The following OR51B5 variants were observed in gnomAD, a reference collection of about 807,000 sequenced individuals.
The protein encoded by OR51B5 is olfactory receptor family 51 subfamily B member 5, also known as olfactory receptor 51B5.
For synonymous variants in OR51B5, 186 were observed against 144.8 expected (o/e 1.28, Z -2.04); for missense variants, 456 against 374.6 (o/e 1.22, Z -1.79).
chr11:5,341,588 CA>C (rs555054643), downstream of OR51B5, among the ~76,000 whole-genome samples: 1 of 152,128 alleles, frequency 6.6e-6, no homozygotes, highest in South Asian at 2.1e-4. Context: ...CCTAACTCAT[CA>C]GACAATTTTA....
intron 1 of OR51B5, among the ~76,000 whole-genome samples, chr11:5,368,210 T>C (rs1212048706): frequency 6.6e-6 from 1 of 152,222 alleles, no homozygotes; most frequent in African/African-American, 2.4e-5. Context: ...AAACCTATTG[T>C]TTCATGCTTC....
At chr11:5,503,096 C>A (rs1421713133) in intron 1 of OR51B5, among the ~76,000 whole-genome samples, 2 of 152,116 alleles carry the variant, frequency 1.3e-5, no homozygotes, top group East Asian at 3.8e-4. Flanking sequence ...GTACAAACAT[C>A]ATAGTATTGG....
intron 1 of OR51B5, among the ~76,000 whole-genome samples, chr11:5,370,406 T>C (rs981290982): frequency 6.6e-6 from 1 of 152,182 alleles, no homozygotes; most frequent in Non-Finnish European, 1.5e-5. Context: ...GTCAGAGCAA[T>C]TTACAGGGAA....
chr11:5,466,095 C>T (rs1287186412), intron 1 of OR51B5, among the ~76,000 whole-genome samples: 1 of 152,150 alleles, frequency 6.6e-6, no homozygotes, highest in Non-Finnish European at 1.5e-5. Flanking sequence ...CTACAATGAA[C>T]TCAAACAAAT....
chr11:5,498,446 C>T (rs1851680877), intron 1 of OR51B5, among the ~76,000 whole-genome samples: 1 of 152,106 alleles, frequency 6.6e-6, no homozygotes, highest in African/African-American at 2.4e-5. Flanking sequence ...GATGCCCTGG[C>T]CAACAAATGG....
chr11:5,408,314 T>G (rs928381684), intron 1 of OR51B5, among the ~76,000 whole-genome samples: 3 of 152,036 alleles, frequency 2.0e-5, no homozygotes, highest in Admixed American at 2.0e-4. Flanking sequence ...CCTCCTAGCT[T>G]AACACTGTCA....
chr11:5,440,917 A>G lies in OR51B5; in HGVS notation n.84+64652T>C, dbSNP rs183554541. 4.3e-6 allele frequency: 7 copies of G among 1,613,926 alleles called. No homozygotes were observed. In the African/African-American group the frequency reaches 6.7e-5, roughly 15 times the overall value. On this transcript the variant is annotated intron_variant and non_coding_transcript_variant, in intron 1 of 4. Coordinates refer to the OR51B5 transcript ENST00000415970. ...GTAAAAATGATCACCAAGAGCCCAT[A>G]AATGTTGTTAACATGGATGTCTCCA...
At chr11:5,489,702 G>C (rs1318723214) in intron 1 of OR51B5, 1 of 1,328,880 alleles carries the variant, frequency 7.5e-7, no homozygotes, top group African/African-American at 1.5e-5. Flanking sequence ...AAAAGTGTAG[G>C]ATGGCTGTCT....
rs772220299 is a variant in OR51B5 at position 5,440,746 on chromosome 11, T to C, written n.84+64823A>G. Reference sequence around the variant, plus strand: ...CGGTGAATCATGGAGACAGCAATTATGGGCACATAAAAGGCCAGCACTGCA... The same window carrying C: ...CGGTGAATCATGGAGACAGCAATTACGGGCACATAAAAGGCCAGCACTGCA... On this transcript the variant is annotated intron_variant and non_coding_transcript_variant, in intron 1 of 4. Transcript: ENST00000415970. The C allele has an allele frequency of 3.7e-6, 6 of 1,613,990 alleles. No individual in the cohort carries two copies. In the East Asian group the frequency reaches 8.9e-5, roughly 24 times the overall value.
At chr11:5,374,506 A>C (rs1407789802) in intron 1 of OR51B5, among the ~76,000 whole-genome samples, 1 of 152,218 alleles carries the variant, frequency 6.6e-6, no homozygotes, top group Non-Finnish European at 1.5e-5. Context: ...AGCTGAGAGA[A>C]GAAGACTTCA....
At chr11:5,430,963 A>G (rs1262515990) in intron 1 of OR51B5, 2 of 457,030 alleles carry the variant, frequency 4.4e-6, no homozygotes, top group Non-Finnish European at 8.8e-6. Flanking sequence ...CACGATAAGC[A>G]ATGAGTCCAG....
chr11:5,480,249 G>C (rs1382279898), intron 1 of OR51B5, among the ~76,000 whole-genome samples: 1 of 150,432 alleles, frequency 6.6e-6, no homozygotes, highest in Non-Finnish European at 1.5e-5. Flanking sequence ...ACCTGCTCCT[G>C]AATGACTACT....
intron 1 of OR51B5, among the ~76,000 whole-genome samples, chr11:5,424,986 A>AAAC (rs1395080307): frequency 7.1e-6 from 1 of 141,076 alleles, no homozygotes; most frequent in Non-Finnish European, 1.5e-5. Flanking sequence ...CGCCTCAAAA[A>AAAC]AAAAAAAAAA....
intron 1 of OR51B5, among the ~76,000 whole-genome samples, chr11:5,389,187 G>A (rs377665410): frequency 1.0e-3 from 155 of 152,230 alleles, no homozygotes; most frequent in African/African-American, 3.6e-3. Context: ...GAGAGGAACT[G>A]AAATAATTGA....
chr11:5,428,861 C>T (rs965059844), intron 1 of OR51B5, among the ~76,000 whole-genome samples: 4 of 152,210 alleles, frequency 2.6e-5, no homozygotes, highest in South Asian at 2.1e-4. Flanking sequence ...TGAAAGACTA[C>T]AGGATTAGAA....
At chr11:5,483,458 G>T (rs1330546429) in intron 1 of OR51B5, among the ~76,000 whole-genome samples, 1 of 143,656 alleles carries the variant, frequency 7.0e-6, no homozygotes, top group Non-Finnish European at 1.5e-5. Context: ...GTATACATGT[G>T]TAACTAACCT....
At chr11:5,358,545 G>C (rs1202203105) in intron 1 of OR51B5, among the ~76,000 whole-genome samples, 2 of 152,186 alleles carry the variant, frequency 1.3e-5, no homozygotes, top group Non-Finnish European at 2.9e-5. Context: ...TGGAGTCACA[G>C]CCAAATTCTA....
chr11:5,487,309 A>G (rs1851512245), intron 1 of OR51B5, among the ~76,000 whole-genome samples: 1 of 152,162 alleles, frequency 6.6e-6, no homozygotes, highest in African/African-American at 2.4e-5. Flanking sequence ...TTCTGGGTAT[A>G]CAAATGTTTA....
chr11:5,372,405 C>A (rs1849461145), intron 1 of OR51B5, among the ~76,000 whole-genome samples: 1 of 152,132 alleles, frequency 6.6e-6, no homozygotes, highest in Non-Finnish European at 1.5e-5. Context: ...AAGAGTTCTC[C>A]TTTCTCCACA....
Sources: allele counts gnomAD v4.1 joint callset (sites outside exome capture counted in the v4.1 genomes callset), GRCh38; gene constraint gnomAD v4.1.1; transcripts MANE v1.5; gene names NCBI Gene and HGNC (gene_info 2026-07-23, HGNC 2026-07-21).